MSI2: variants seen among roughly 807,000 people sequenced by gnomAD.
The protein encoded by MSI2 is RNA-binding protein Musashi homolog 2.
Under a neutral mutation model 45.6 loss-of-function variants are expected in MSI2, and 17 were observed. That is an observed-to-expected ratio of 0.37 (90% CI 0.26 to 0.56). The LOEUF (loss-of-function observed/expected upper bound fraction) is 0.56. Ranked by LOEUF, MSI2 falls within the 20% of genes least tolerant of loss-of-function variation. The pLI, the probability that MSI2 is intolerant of heterozygous loss-of-function variation, is 0.77. For missense variants in MSI2, 293 were observed against 444.2 expected (o/e 0.66, Z 3.06); for synonymous variants, 156 against 158.2 (o/e 0.99, Z 0.11).
chr17:57,440,828 G>A (rs2084786595), intron 6 of MSI2: 1 of 152,256 alleles, frequency 6.6e-6, no homozygotes, highest in South Asian at 2.1e-4. Context: ...TGCCTGGGAT[G>A]TTGGTGTTTC....
At chr17:57,412,623 G>A (rs1407522280) in intron 6 of MSI2, among the ~76,000 whole-genome samples, 1 of 152,152 alleles carries the variant, frequency 6.6e-6, no homozygotes, top group Non-Finnish European at 1.5e-5. Context: ...TGGCCCAGAT[G>A]GTCTCCTAGA....
At position 57,619,756 on chromosome 17, in the gene MSI2, C is replaced by T. The variant is rs79368426; in HGVS notation, c.652+3672C>T. Among the ~76,000 whole-genome samples, 581 of 152,260 alleles carry T rather than the reference C, an allele frequency of 3.8e-3. 28 individuals are homozygous for T. In the East Asian group the frequency reaches 0.1, roughly 26 times the overall value. On this transcript the variant is annotated intron_variant, in intron 9 of 13. Transcript: ENST00000284073. The stretch of plus-strand genomic sequence containing the variant: ...GCTTATCTGGACAGCATCTGAACAG[C>T]GCCTGCTCGCTGGGGGATGGATATG...
chr17:57,520,076 A>G (rs2086553120), intron 6 of MSI2, among the ~76,000 whole-genome samples: 1 of 152,192 alleles, frequency 6.6e-6, no homozygotes, highest in East Asian at 1.9e-4. Context: ...GAGAAAAAAA[A>G]TGGGTGCCTG....
chr17:57,592,636 G>A (rs558844915), intron 7 of MSI2, among the ~76,000 whole-genome samples: 18 of 152,190 alleles, frequency 1.2e-4, no homozygotes, highest in African/African-American at 1.4e-4. Context: ...CTTGAAATCC[G>A]GGCTATCTCC....
intron 6 of MSI2, among the ~76,000 whole-genome samples, chr17:57,500,221 T>C (rs552882481): frequency 1.2e-4 from 19 of 152,130 alleles, no homozygotes; most frequent in African/African-American, 4.6e-4. Flanking sequence ...GTAAAGTAGT[T>C]TGCCTGCAGT....
intron 6 of MSI2, among the ~76,000 whole-genome samples, chr17:57,443,390 C>T (rs2084836979): frequency 2.0e-5 from 3 of 152,176 alleles, no homozygotes; most frequent in African/African-American, 4.8e-5. Context: ...GCAGCTGTGC[C>T]GGGCACACGT....
At chr17:57,269,972 C>T (rs974352324) in intron 5 of MSI2, among the ~76,000 whole-genome samples, 2 of 152,134 alleles carry the variant, frequency 1.3e-5, no homozygotes, top group East Asian at 1.9e-4. Context: ...CTCACTTGGT[C>T]GGTCCAGCTG....
intron 5 of MSI2, among the ~76,000 whole-genome samples, chr17:57,397,370 C>T (rs1370608425): frequency 6.6e-6 from 1 of 152,170 alleles, no homozygotes; most frequent in Non-Finnish European, 1.5e-5. Flanking sequence ...TAAATGGAAG[C>T]CAAGACTCAA....
chr17:57,568,111 G>A (rs984395248), intron 7 of MSI2, among the ~76,000 whole-genome samples: 1 of 152,182 alleles, frequency 6.6e-6, no homozygotes, highest in South Asian at 2.1e-4. Flanking sequence ...AAGGCTGGGG[G>A]AGCTGGGTGC....
chr17:57,590,736 G>A (rs375578908), intron 7 of MSI2, among the ~76,000 whole-genome samples: 19 of 152,278 alleles, frequency 1.2e-4, no homozygotes, highest in African/African-American at 4.3e-4. Flanking sequence ...TAAGGTGGGG[G>A]CTTTAGGAGA....
At chr17:57,641,065 T>G (rs1470282352) in intron 10 of MSI2, among the ~76,000 whole-genome samples, 1 of 152,188 alleles carries the variant, frequency 6.6e-6, no homozygotes, top group African/African-American at 2.4e-5. Flanking sequence ...TGAGCCAAAG[T>G]TCCTCCCCAC....
chr17:57,679,524 C>T, intron 13 of MSI2, 25 bp from the exon 14 acceptor site: 1 of 1,049,800 alleles, frequency 9.5e-7, no homozygotes, highest in East Asian at 5.4e-5. Flanking sequence ...TTCTTCTGGA[C>T]ATCCTGGCCT....
At chr17:57,645,630 C>T (rs1333585435) in intron 10 of MSI2, among the ~76,000 whole-genome samples, 2 of 151,242 alleles carry the variant, frequency 1.3e-5, no homozygotes, top group South Asian at 2.1e-4. Context: ...TTAGTAGAGA[C>T]AGGGTTTCAC....
chr17:57,426,724 T>TG (rs2084498975), intron 6 of MSI2, among the ~76,000 whole-genome samples: 1 of 152,212 alleles, frequency 6.6e-6, no homozygotes, highest in Admixed American at 6.5e-5. Flanking sequence ...TGCACAGGCC[T>TG]GGGGCACAGG....
At chr17:57,413,827 A>G (rs1416760387) in intron 6 of MSI2, among the ~76,000 whole-genome samples, 4 of 152,040 alleles carry the variant, frequency 2.6e-5, no homozygotes, top group Non-Finnish European at 4.4e-5. Flanking sequence ...AAGCTCCGCA[A>G]TGTAGGACTG....
intron 5 of MSI2, among the ~76,000 whole-genome samples, chr17:57,340,947 C>T (rs1915088541): frequency 6.6e-6 from 1 of 152,228 alleles, no homozygotes; most frequent in Non-Finnish European, 1.5e-5. Context: ...AGCAGGAATA[C>T]AGGTTCACCT....
intron 5 of MSI2, among the ~76,000 whole-genome samples, chr17:57,361,410 G>A (rs531622875): frequency 1.3e-5 from 2 of 151,582 alleles, no homozygotes; most frequent in Non-Finnish European, 2.9e-5. Flanking sequence ...AGACAGCCTG[G>A]ATAACATGGT....
At chr17:57,336,420 A>T (rs1914695556) in intron 5 of MSI2, among the ~76,000 whole-genome samples, 1 of 152,176 alleles carries the variant, frequency 6.6e-6, no homozygotes, top group Non-Finnish European at 1.5e-5. Flanking sequence ...AAAGAGTTGG[A>T]GGAATGACTC....
chr17:57,551,876 A>C (rs2087314968), intron 7 of MSI2, among the ~76,000 whole-genome samples: 1 of 152,138 alleles, frequency 6.6e-6, no homozygotes, highest in Admixed American at 6.5e-5. Flanking sequence ...CTCCTGTAGA[A>C]AGAGAAGCTT....
Sources: allele counts gnomAD v4.1 joint callset (sites outside exome capture counted in the v4.1 genomes callset), GRCh38; gene constraint gnomAD v4.1.1; transcripts MANE v1.5; gene names NCBI Gene and HGNC (gene_info 2026-07-23, HGNC 2026-07-21).